The following EPHA5 variants were observed in gnomAD, a reference collection of about 807,000 sequenced individuals.
EPHA5 encodes the protein ephrin type-A receptor 5.
In EPHA5, 60 loss-of-function variants were observed where a neutral mutation model predicts 105.0. The ratio of observed to expected loss-of-function variants is 0.57; its 90% CI spans 0.46 to 0.71. The LOEUF is 0.71. Among genes scored for constraint, EPHA5 ranks in the 30% least tolerant of loss-of-function variants. EPHA5 has a pLI of 0.00. For missense variants in EPHA5, 1,218 were observed against 1,274.7 expected, an observed-to-expected ratio of 0.96 and a Z score of 0.68; for synonymous variants, 513 against 449.1, an observed-to-expected ratio of 1.14 and a Z score of -1.80.
chr4:65,565,190 T>C (rs1739407330), intron 3 of EPHA5, among the ~76,000 whole-genome samples: 1 of 151,594 alleles, frequency 6.6e-6, no homozygotes, highest in Non-Finnish European at 1.5e-5. Context: ...AACCAACTTT[T>C]CCAGGAAATA....
intron 6 of EPHA5, among the ~76,000 whole-genome samples, chr4:65,416,872 A>C (rs936112127): frequency 9.2e-5 from 14 of 152,334 alleles, no homozygotes; most frequent in African/African-American, 2.6e-4. Context: ...ATTATGTTTC[A>C]TTCCTTTAAA....
intron 8 of EPHA5, among the ~76,000 whole-genome samples, chr4:65,379,608 T>G (rs978263524): frequency 1.3e-5 from 2 of 151,740 alleles, no homozygotes; most frequent in Admixed American, 6.6e-5. Context: ...GCATATCAAG[T>G]ATTTTGGAGG....
At chr4:65,664,399 G>T in intron 1 of EPHA5, among the ~76,000 whole-genome samples, 1 of 151,752 alleles carries the variant, frequency 6.6e-6, no homozygotes, top group East Asian at 1.9e-4. Context: ...TTACTTTAAA[G>T]ATAGGTACTA....
At chr4:65,489,843 A>G (rs1416932395) in intron 5 of EPHA5, among the ~76,000 whole-genome samples, 1 of 152,116 alleles carries the variant, frequency 6.6e-6, no homozygotes, top group African/African-American at 2.4e-5. Context: ...GTTCATAGTT[A>G]CTCTAATTTT....
intron 3 of EPHA5, among the ~76,000 whole-genome samples, chr4:65,577,248 G>A (rs1182943304): frequency 6.6e-6 from 1 of 152,030 alleles, no homozygotes; most frequent in African/African-American, 2.4e-5. Flanking sequence ...TATATTGTAT[G>A]TCAAAATTTG....
intron 3 of EPHA5, among the ~76,000 whole-genome samples, chr4:65,515,423 A>G (rs998475694): frequency 6.6e-6 from 1 of 152,186 alleles, no homozygotes; most frequent in Non-Finnish European, 1.5e-5. Flanking sequence ...ATACCCATAT[A>G]TAAATTTCAG....
intron 1 of EPHA5, among the ~76,000 whole-genome samples, chr4:65,647,776 T>C (rs1748253004): frequency 6.6e-6 from 1 of 152,180 alleles, no homozygotes; most frequent in Non-Finnish European, 1.5e-5. Context: ...ATGATTAAGA[T>C]GGACATGTTG....
chr4:65,453,253 A>G (rs1727241330), intron 5 of EPHA5, among the ~76,000 whole-genome samples: 1 of 152,238 alleles, frequency 6.6e-6, no homozygotes, highest in Non-Finnish European at 1.5e-5. Context: ...ACACAAATCT[A>G]CATAAATCAC....
intron 3 of EPHA5, among the ~76,000 whole-genome samples, chr4:65,533,457 G>A (rs1406786451): frequency 2.0e-5 from 3 of 152,058 alleles, no homozygotes; most frequent in African/African-American, 7.2e-5. Flanking sequence ...AAATGGAAGT[G>A]TCTGAATTAC....
chr4:65,375,990 T>G (rs1158846525), intron 8 of EPHA5, among the ~76,000 whole-genome samples: 1 of 151,882 alleles, frequency 6.6e-6, no homozygotes, highest in Non-Finnish European at 1.5e-5. Context: ...ATTGACAAAA[T>G]ATTTCTAAAT....
chr4:65,362,005 T>C (rs1717376677), intron 11 of EPHA5, among the ~76,000 whole-genome samples: 1 of 151,664 alleles, frequency 6.6e-6, no homozygotes, highest in African/African-American at 2.4e-5. Flanking sequence ...GCTGGCACTA[T>C]GTCTATTACA....
chr4:65,545,241 C>T (rs903476184), intron 3 of EPHA5, among the ~76,000 whole-genome samples: 1 of 151,830 alleles, frequency 6.6e-6, no homozygotes, highest in Non-Finnish European at 1.5e-5. Context: ...ATCTTCCCTT[C>T]ACTTAACTTG....
At position 65,669,653 on chromosome 4, in the gene EPHA5, G is replaced by T; in HGVS notation, c.90C>A (p.Gly30=). ...GAGCCCGTCGAGGTGCAGAGTAGCA[G>T]CCGGCCAGGGACGCTGGGGTGATGG... The part of the protein sequence containing the change: ...DTPITPASLA[G]CYSAPRRAPL... Residue 30 remains glycine, a synonymous_variant, in exon 1 of 17, where the codon GGC becomes GGA. Coordinates refer to ENST00000613740, the MANE Select transcript of EPHA5 (RefSeq NM_001281766.3). The T allele has an allele frequency of 7.2e-7, 1 of 1,386,152 alleles. No individual in the cohort carries two copies. The allele number at this position is 1,386,152 out of a possible 1,614,324, so 85.9% of individuals were successfully genotyped here.
At chr4:65,363,791 C>T (rs1036260410) in intron 11 of EPHA5, among the ~76,000 whole-genome samples, 3 of 151,416 alleles carry the variant, frequency 2.0e-5, no homozygotes, top group South Asian at 2.1e-4. Context: ...CTATCACAGA[C>T]GTTCTTTCAA....
At chr4:65,465,479 GAAA>G (rs1263747808) in intron 5 of EPHA5, among the ~76,000 whole-genome samples, 1 of 47,038 alleles carries the variant, frequency 2.1e-5, no homozygotes, top group African/African-American at 7.8e-5. Flanking sequence ...AAGAAAGAAA[GAAA>G]GAAAGAAAGA....
chr4:65,433,480 A>G (rs1439302990), intron 5 of EPHA5, among the ~76,000 whole-genome samples: 1 of 152,156 alleles, frequency 6.6e-6, no homozygotes, highest in African/African-American at 2.4e-5. Flanking sequence ...AGAATATGAG[A>G]CTCTTGATTC....
chr4:65,465,429 A>C, intron 5 of EPHA5, among the ~76,000 whole-genome samples: 2 of 136,370 alleles, frequency 1.5e-5, no homozygotes, highest in East Asian at 4.3e-4. Context: ...CCATCCCCCC[A>C]CCCCTCTAAA....
At chr4:65,611,288 A>G (rs894583968) in intron 2 of EPHA5, among the ~76,000 whole-genome samples, 2 of 152,122 alleles carry the variant, frequency 1.3e-5, no homozygotes, top group Non-Finnish European at 2.9e-5. Context: ...AGTAAGATGT[A>G]AATTGAAAAG....
chr4:65,462,730 A>G (rs1000953318), intron 5 of EPHA5, among the ~76,000 whole-genome samples: 1 of 152,196 alleles, frequency 6.6e-6, no homozygotes, highest in African/African-American at 2.4e-5. Flanking sequence ...CATTAGCAAT[A>G]GAATTTATAC....
Sources: allele counts gnomAD v4.1 joint callset (sites outside exome capture counted in the v4.1 genomes callset), GRCh38; gene constraint gnomAD v4.1.1; transcripts MANE v1.5; gene names NCBI Gene and HGNC (gene_info 2026-07-23, HGNC 2026-07-21).